The following PALLD variants were observed in gnomAD, a reference collection of about 807,000 sequenced individuals.
PALLD encodes palladin, cytoskeletal associated protein, also known as palladin.
In PALLD, 61 loss-of-function variants were observed where a neutral mutation model predicts 123.5. That is an observed-to-expected ratio of 0.49 (90% CI 0.40 to 0.61). PALLD has a LOEUF of 0.61. Ranked by LOEUF, PALLD falls within the 20% of genes least tolerant of loss-of-function variation. PALLD has a pLI of 0.00. For missense variants in PALLD, 1,273 were observed against 1,377.0 expected (o/e 0.92, Z 1.20); for synonymous variants, 465 against 496.4 (o/e 0.94, Z 0.84).
At chr4:168,588,083 G>A (rs898687043) in intron 2 of PALLD, among the ~76,000 whole-genome samples, 10 of 151,958 alleles carry the variant, frequency 6.6e-5, no homozygotes, top group Non-Finnish European at 1.2e-4. Context: ...GTCTCGATGG[G>A]GCCTGGGAAT....
chr4:168,702,860 T>A lies in PALLD; in HGVS notation c.1502-6168T>A, dbSNP rs1375789955. Among the ~76,000 whole-genome samples the A allele has an allele frequency of 2.7e-5, 4 of 150,260 alleles. No individual in the cohort carries two copies. In the East Asian group the frequency reaches 5.9e-4, roughly 22 times the overall value. ...CTTTCCAAATGATTAATCTTTTTTT[T>A]AACTTTGTTTTTATTTTATTTATTT... On this transcript the variant is annotated intron_variant, in intron 8 of 21. Transcript: ENST00000505667.
At chr4:168,911,589 T>C (rs965296822) in intron 15 of PALLD, among the ~76,000 whole-genome samples, 1 of 152,222 alleles carries the variant, frequency 6.6e-6, no homozygotes, top group South Asian at 2.1e-4. Context: ...GGATAGTTCA[T>C]GATGGAGGTC....
chr4:168,755,013 A>G (rs1017094011), intron 10 of PALLD, among the ~76,000 whole-genome samples: 2 of 152,144 alleles, frequency 1.3e-5, no homozygotes, highest in Admixed American at 1.3e-4. Flanking sequence ...TGGGCGGATC[A>G]TGAGGTCAGG....
chr4:168,619,705 C>A (rs545920804), intron 2 of PALLD, among the ~76,000 whole-genome samples: 1 of 152,280 alleles, frequency 6.6e-6, no homozygotes, highest in East Asian at 1.9e-4. Flanking sequence ...GTACTTATGA[C>A]GAGCTCCAGG....
At chr4:168,853,775 G>C (rs970611870) in intron 10 of PALLD, among the ~76,000 whole-genome samples, 2 of 152,184 alleles carry the variant, frequency 1.3e-5, no homozygotes, top group African/African-American at 4.8e-5. Context: ...ACTGGGGACA[G>C]GGAAGTCAAG....
intron 17 of PALLD, 60 bp downstream of exon 17, chr4:168,916,087 C>T: frequency 3.4e-6 from 5 of 1,484,552 alleles, no homozygotes; most frequent in Non-Finnish European, 4.7e-6. Flanking sequence ...CTTGCCATTT[C>T]TCTATAGTTC....
chr4:168,720,558 A>G (rs528306733), intron 10 of PALLD, among the ~76,000 whole-genome samples: 1 of 152,354 alleles, frequency 6.6e-6, no homozygotes, highest in African/African-American at 2.4e-5. Flanking sequence ...GAGGTTGATA[A>G]GGAACATAGG....
chr4:168,697,047 A>G (rs963987596), intron 8 of PALLD, among the ~76,000 whole-genome samples: 2 of 152,214 alleles, frequency 1.3e-5, no homozygotes, highest in Admixed American at 6.5e-5. Flanking sequence ...AGATCATGTT[A>G]TAAGTGTCCT....
intron 12 of PALLD, among the ~76,000 whole-genome samples, chr4:168,895,890 ATAAGTTGAAAATATTG>A (rs1261152219): frequency 6.6e-6 from 1 of 152,200 alleles, no homozygotes; most frequent in East Asian, 1.9e-4. Context: ...TAAACTCATT[ATAAGTTGAAAATATTG>A]TAAGTTGAAA....
chr4:168,502,780 C>T (rs556645153), intron 1 of PALLD, among the ~76,000 whole-genome samples: 3 of 152,036 alleles, frequency 2.0e-5, no homozygotes, highest in South Asian at 2.1e-4. Context: ...GATGCACACG[C>T]GTAGTTCTAG....
At chr4:168,759,918 G>A (rs573625846) in intron 10 of PALLD, among the ~76,000 whole-genome samples, 1 of 152,122 alleles carries the variant, frequency 6.6e-6, no homozygotes, top group East Asian at 1.9e-4. Context: ...GCCAGGGGTG[G>A]TGGCTCACGC....
chr4:168,673,618 C>G (rs1780520056), intron 3 of PALLD, among the ~76,000 whole-genome samples: 1 of 152,134 alleles, frequency 6.6e-6, no homozygotes, highest in Non-Finnish European at 1.5e-5. Context: ...TGGTAGAAGC[C>G]TATTGCAGCA....
intron 10 of PALLD, among the ~76,000 whole-genome samples, chr4:168,851,216 C>G (rs1268619501): frequency 2.6e-5 from 4 of 152,172 alleles, no homozygotes; most frequent in Admixed American, 1.3e-4. Flanking sequence ...TTCTCCATCT[C>G]CAGAATATGT....
At chr4:168,729,540 C>T (rs1266887523) in intron 10 of PALLD, among the ~76,000 whole-genome samples, 2 of 152,146 alleles carry the variant, frequency 1.3e-5, no homozygotes, top group Non-Finnish European at 2.9e-5. Flanking sequence ...GGCAGGAAAA[C>T]TCCCTCCCGG....
rs191720428 is a variant in PALLD at position 168,759,003 on chromosome 4, C to T, written c.1964+47080C>T. ...CAGCCTGGCCAACATGGTGAAACCCCGTCTCTACTAAAAATACAAAAAAAA... is the reference window on the plus strand; with the variant it reads ...CAGCCTGGCCAACATGGTGAAACCCTGTCTCTACTAAAAATACAAAAAAAA... On this transcript the variant is annotated intron_variant, in intron 10 of 21. Coordinates refer to ENST00000505667, the MANE Select transcript of PALLD (RefSeq NM_001166108.2). 8.2e-3 allele frequency among the ~76,000 whole-genome samples: 1,239 copies of T among 150,576 alleles called. 5 individuals carry two copies. The highest frequency in any genetic ancestry group is 0.02 in the African/African-American group (815 of 40,972).
At chr4:168,879,827 A>G (rs1001700017) in intron 10 of PALLD, among the ~76,000 whole-genome samples, 4 of 152,230 alleles carry the variant, frequency 2.6e-5, no homozygotes, top group African/African-American at 9.7e-5. Context: ...TTGTCAGTCA[A>G]CTTGTCTGAG....
intron 10 of PALLD, among the ~76,000 whole-genome samples, chr4:168,781,719 G>A (rs1454300662): frequency 6.6e-6 from 1 of 152,116 alleles, no homozygotes; most frequent in African/African-American, 2.4e-5. Context: ...TAGGATACCA[G>A]GAGAGGAATA....
intron 10 of PALLD, among the ~76,000 whole-genome samples, chr4:168,764,581 C>G (rs1733401824): frequency 6.6e-6 from 1 of 152,050 alleles, no homozygotes; most frequent in Admixed American, 6.5e-5. Flanking sequence ...CTGTGCCCAA[C>G]TTTTAGAGAT....
intron 3 of PALLD, among the ~76,000 whole-genome samples, chr4:168,670,781 A>G (rs1225833426): frequency 3.6e-5 from 5 of 137,864 alleles, no homozygotes; most frequent in Non-Finnish European, 6.0e-5. Flanking sequence ...AAAACAAAAA[A>G]AAAAAAACAA....
Sources: allele counts gnomAD v4.1 joint callset (sites outside exome capture counted in the v4.1 genomes callset), GRCh38; gene constraint gnomAD v4.1.1; transcripts MANE v1.5; gene names NCBI Gene and HGNC (gene_info 2026-07-23, HGNC 2026-07-21).